The following TMPRSS11D variants were observed in gnomAD, a reference collection of about 807,000 sequenced individuals.
TMPRSS11D encodes transmembrane protease serine 11D.
TMPRSS11D carries 32 observed loss-of-function variants against 44.4 expected under a neutral mutation model. That is an observed-to-expected ratio of 0.72 (90% CI 0.54 to 0.97). The LOEUF is 0.97. Among genes scored for constraint, TMPRSS11D ranks in the 50% least tolerant of loss-of-function variants. The pLI is 0.00. For synonymous variants in TMPRSS11D, 179 were observed against 177.9 expected (o/e 1.01, Z -0.05); for missense variants, 446 against 502.6 (o/e 0.89, Z 1.08).
In TMPRSS11D at chr4:67,849,304, A is replaced by G. The variant is rs559896121; in HGVS notation, c.249+4764T>C. On this transcript the variant is annotated intron_variant, in intron 3 of 9. Transcript: ENST00000283916. ...ATATTTGAGTTGTTTTGAAACAGCCATGTAAGGATATCAAGCTGGTAACTA... is the reference window on the plus strand; with the variant it reads ...ATATTTGAGTTGTTTTGAAACAGCCGTGTAAGGATATCAAGCTGGTAACTA... 2.0e-5 allele frequency among the ~76,000 whole-genome samples: 3 copies of G among 152,298 alleles called. No homozygotes were observed. In the South Asian group the frequency reaches 6.2e-4, roughly 32 times the overall value.
At chr4:67,830,147 A>G (rs1717909735) in intron 7 of TMPRSS11D, among the ~76,000 whole-genome samples, 1 of 152,080 alleles carries the variant, frequency 6.6e-6, no homozygotes, top group African/African-American at 2.4e-5. Flanking sequence ...AAACAGTAAG[A>G]AACAATATTA....
chr4:67,827,660 G>A, intron 7 of TMPRSS11D, 140 bp from the exon 8 acceptor site: 1 of 933,794 alleles, frequency 1.1e-6, no homozygotes, highest in Non-Finnish European at 1.5e-6. Context: ...TGCATTATAA[G>A]CTGGCAAGTG....
chr4:67,861,766 G>T (rs974428369), intron 1 of TMPRSS11D, among the ~76,000 whole-genome samples: 1 of 152,002 alleles, frequency 6.6e-6, no homozygotes, highest in Admixed American at 6.6e-5. Flanking sequence ...CAAACAAAGG[G>T]TGTGGAGCCC....
intron 2 of TMPRSS11D, among the ~76,000 whole-genome samples, chr4:67,857,040 G>A (rs1294467308): frequency 2.6e-5 from 4 of 152,024 alleles, no homozygotes; most frequent in Non-Finnish European, 4.4e-5. Context: ...TGGTGGAAAT[G>A]TAAACTAGTG....
At chr4:67,839,372 C>T (rs1332554634) in intron 4 of TMPRSS11D, among the ~76,000 whole-genome samples, 1 of 151,922 alleles carries the variant, frequency 6.6e-6, no homozygotes, top group African/African-American at 2.4e-5. Flanking sequence ...ACACTTTCTG[C>T]ATAAAACAAA....
rs181363466 is a variant in TMPRSS11D at position 67,821,575 on chromosome 4, A to T, written c.*762T>A. 1.9e-4 allele frequency: 29 copies of T among 152,226 alleles called. No individual in the cohort carries two copies. Among genetic ancestry groups the T allele is most frequent in the African/African-American group, 7.0e-4 (29 of 41,532 alleles). The allele number at this position is 152,226 out of a possible 1,614,324, so 9.4% of individuals were successfully genotyped here. ...GCACCTGACAAGTTTGTGTAGGTAT[A>T]TTTCTTAGCTTCTCTATAAAATAGA... is the stretch of plus-strand genomic sequence containing the variant. On this transcript the variant is annotated 3_prime_UTR_variant, in exon 10 of 10. Coordinates refer to ENST00000283916, the MANE Select transcript of TMPRSS11D (RefSeq NM_004262.3).
Position 67,827,440 on chromosome 4 carries a change from A to T in TMPRSS11D, c.773T>A (p.Ile258Asn). Reference sequence around the variant, plus strand: ...AGATTTATAATTGTTATGAATTAAAATATTTCTTACTCTCATTCTTAGTTT... The same window carrying T: ...AGATTTATAATTGTTATGAATTAAATTATTTCTTACTCTCATTCTTAGTTT... ...FPKLRMRVRN[I>N]LIHNNYKSAT... The change falls in exon 8 of 10, where the codon ATT (isoleucine) becomes AAT (asparagine). Residue 258 changes from isoleucine (I) to asparagine (N), a missense_variant. Ile to Asn is a moderately radical substitution (Grantham distance 149). Coordinates refer to ENST00000283916, the MANE Select transcript of TMPRSS11D (RefSeq NM_004262.3). 6.2e-7 allele frequency: 1 copy of T among 1,612,888 alleles called. No homozygotes were observed. The highest frequency in any genetic ancestry group is 8.5e-7 in the Non-Finnish European group (1 of 1,179,380).
chr4:67,822,875 G>A (rs1364315414), intron 9 of TMPRSS11D, among the ~76,000 whole-genome samples: 2 of 152,094 alleles, frequency 1.3e-5, no homozygotes, highest in African/African-American at 2.4e-5. Flanking sequence ...TATCTTGTGT[G>A]TGTCTCTGTC....
Position 67,827,347 on chromosome 4 carries a change from T to C in TMPRSS11D, c.866A>G (p.His289Arg). 3 of 1,613,332 alleles carry C rather than the reference T, an allele frequency of 1.9e-6. No homozygotes were observed. Among genetic ancestry groups the C allele is most frequent in the Non-Finnish European group, 2.5e-6 (3 of 1,179,554 alleles). ...ENSVTFTKDI[H>R]SVCLPAATQN... ...GGTAGCAGCTGGGAGACACACACTA[T>C]GGATATCTTTGGTAAAGGTGACACT... The change falls in exon 8 of 10, where the codon CAT becomes CGT. Residue 289 changes from histidine to arginine, a missense_variant. By Grantham distance (29) the His-to-Arg change is conservative. Coordinates refer to ENST00000283916, the MANE Select transcript of TMPRSS11D (RefSeq NM_004262.3).
chr4:67,826,903 A>G (rs1231524404), intron 8 of TMPRSS11D, among the ~76,000 whole-genome samples: 3 of 152,250 alleles, frequency 2.0e-5, no homozygotes, highest in East Asian at 3.9e-4. Context: ...CCAGTCTGAG[A>G]AAGTCTTTGT....
At position 67,883,973 on chromosome 4, in the gene TMPRSS11D, A is replaced by G; in HGVS notation, c.-40T>C. On this transcript the variant is annotated 5_prime_UTR_variant, in exon 1 of 10. Coordinates refer to ENST00000283916, the MANE Select transcript of TMPRSS11D (RefSeq NM_004262.3). ...AAGAGGTTCTTTTTTCTGCCTACTC[A>G]ACTGCTTTGAGATTCCCACTCAAAT... 1 of 1,591,380 alleles carries G rather than the reference A, an allele frequency of 6.3e-7. No homozygotes were observed.
intron 2 of TMPRSS11D, among the ~76,000 whole-genome samples, chr4:67,855,114 G>A (rs1270128818): frequency 6.6e-6 from 1 of 152,090 alleles, no homozygotes; most frequent in Non-Finnish European, 1.5e-5. Flanking sequence ...AATTAGCCAG[G>A]TGTGGTGGCA....
chr4:67,846,221 G>T (rs962304837), intron 3 of TMPRSS11D, among the ~76,000 whole-genome samples: 7 of 151,964 alleles, frequency 4.6e-5, no homozygotes, highest in Non-Finnish European at 8.8e-5. Flanking sequence ...GCTCCTATGG[G>T]TGAAACATTT....
intron 1 of TMPRSS11D, among the ~76,000 whole-genome samples, chr4:67,878,769 C>T (rs759509940): frequency 2.0e-5 from 3 of 151,958 alleles, no homozygotes; most frequent in Non-Finnish European, 4.4e-5. Context: ...ACTAAAAATA[C>T]AAAAATTGGC....
At chr4:67,858,513 A>G (rs1233051297) in intron 2 of TMPRSS11D, among the ~76,000 whole-genome samples, 1 of 152,204 alleles carries the variant, frequency 6.6e-6, no homozygotes, top group Admixed American at 6.5e-5. Context: ...ATTGGCTGAA[A>G]TGATTGTGTA....
intron 4 of TMPRSS11D, chr4:67,839,131 A>G (rs189727030): frequency 3.3e-5 from 5 of 152,236 alleles, no homozygotes; most frequent in African/African-American, 1.2e-4. Context: ...TCTCACCTCA[A>G]TGACCAGCTC....
At chr4:67,862,226 C>T (rs1342103599) in intron 1 of TMPRSS11D, among the ~76,000 whole-genome samples, 1 of 152,104 alleles carries the variant, frequency 6.6e-6, no homozygotes, top group Non-Finnish European at 1.5e-5. Context: ...CGTTGTCAAT[C>T]TTCATGATCT....
chr4:67,879,649 G>A (rs1719274955), intron 1 of TMPRSS11D, among the ~76,000 whole-genome samples: 1 of 152,048 alleles, frequency 6.6e-6, no homozygotes, highest in African/African-American at 2.4e-5. Context: ...CTGGTGGAGT[G>A]ATTATGTAAA....
chr4:67,877,316 C>T (rs1041036226), intron 1 of TMPRSS11D, among the ~76,000 whole-genome samples: 3 of 151,966 alleles, frequency 2.0e-5, no homozygotes, highest in Non-Finnish European at 4.4e-5. Context: ...TTTTTGTGTG[C>T]GTAAGAATTA....
Sources: gnomAD v4.1 joint callset for allele counts (sites outside exome capture counted in the v4.1 genomes callset) on GRCh38, gnomAD v4.1.1 for gene constraint, MANE v1.5 for transcripts, NCBI Gene and HGNC (gene_info 2026-07-23, HGNC 2026-07-21) for gene names.